Variants in ABCA5 observed in about 807,000 individuals in gnomAD.
ABCA5 encodes ATP binding cassette subfamily A member 5, also known as cholesterol transporter ABCA5.
A neutral mutation model predicts 206.0 loss-of-function variants in ABCA5; 163 were observed. The observed-to-expected ratio is 0.79, with a 90% confidence interval of 0.70 to 0.90. The LOEUF (loss-of-function observed/expected upper bound fraction) is 0.90, where lower values mean the gene tolerates loss of function less well. Ranked by LOEUF, ABCA5 falls within the 40% of genes least tolerant of loss-of-function variation. ABCA5 has a pLI of 0.00. For synonymous variants in ABCA5, 609 were observed against 613.8 expected, an observed-to-expected ratio of 0.99 and a Z score of 0.11; for missense variants, 1,859 against 1,912.9, an observed-to-expected ratio of 0.97 and a Z score of 0.53.
chr17:69,260,301 G>C (rs1350888705), intron 27 of ABCA5, 37 bp downstream of exon 27: 1 of 1,442,272 alleles, frequency 6.9e-7, no homozygotes, highest in Non-Finnish European at 9.6e-7. Context: ...CCATTCTTAA[G>C]GTACATGCTA....
chr17:69,287,806 A>C, intron 14 of ABCA5, 55 bp from the exon 15 acceptor site: 1 of 1,556,498 alleles, frequency 6.4e-7, no homozygotes, highest in Non-Finnish European at 8.7e-7. Context: ...CTAAATATTA[A>C]ACAGGCATGT....
At chr17:69,256,744 C>T (rs2075087650) in intron 28 of ABCA5, among the ~76,000 whole-genome samples, 2 of 152,258 alleles carry the variant, frequency 1.3e-5, no homozygotes, top group Admixed American at 6.5e-5. Context: ...GTTCAAGCCA[C>T]CATGCCCAGC....
At chr17:69,318,647 A>G in intron 1 of ABCA5, 1 of 354,844 alleles carries the variant, frequency 2.8e-6, no homozygotes, top group Admixed American at 4.6e-5. Flanking sequence ...CAGCAAAACA[A>G]AAGCAGTCAA....
intron 13 of ABCA5, 40 bp downstream of exon 13, chr17:69,289,822 A>T: frequency 6.8e-7 from 1 of 1,463,278 alleles, no homozygotes; most frequent in Non-Finnish European, 9.3e-7. Flanking sequence ...GTTATTGATT[A>T]CAGGAAATAA....
Position 69,270,651 on chromosome 17 carries a change from T to C in ABCA5, c.2992A>G (p.Thr998Ala), listed in dbSNP as rs1450756371. The C allele has an allele frequency of 6.2e-7, 1 of 1,602,452 alleles. No individual in the cohort carries two copies. The highest frequency in any genetic ancestry group is 1.7e-5 in the Admixed American group (1 of 57,782). The change falls in exon 22 of 39, where the codon ACT becomes GCT. Residue 998 changes from threonine (T) to alanine (A), a missense_variant. By Grantham distance (58) the Thr-to-Ala change is moderately conservative (BLOSUM62 0). Transcript: ENST00000392676. ...GTACTCCAGATCTGGATGGTTTCAG[T>C]CACATTTAAATGATAAAGATAGTAG... ...SNYYLYHLNV[T>A]ETIQIWSTPF...
chr17:69,307,557 C>T (rs1402254280), intron 5 of ABCA5, among the ~76,000 whole-genome samples: 2 of 152,032 alleles, frequency 1.3e-5, no homozygotes, highest in Non-Finnish European at 2.9e-5. Context: ...GATACAACAT[C>T]ATCAATGTAA....
At chr17:69,302,348 T>G (rs2075660980) in intron 8 of ABCA5, among the ~76,000 whole-genome samples, 1 of 152,112 alleles carries the variant, frequency 6.6e-6, no homozygotes, top group African/African-American at 2.4e-5. Flanking sequence ...CCACACACAA[T>G]TTTCTCCCAT....
chr17:69,280,178 A>C (rs1463036386), intron 18 of ABCA5, among the ~76,000 whole-genome samples: 1 of 152,052 alleles, frequency 6.6e-6, no homozygotes, highest in East Asian at 1.9e-4. Flanking sequence ...AACTCAAACA[A>C]ATTTACAAGA....
At position 69,251,865 on chromosome 17, in the gene ABCA5, G is replaced by A. The variant is rs143193092; in HGVS notation, c.4417C>T (p.Arg1473Ter). The A allele has an allele frequency of 4.5e-5, 73 of 1,612,010 alleles. No individual in the cohort carries two copies. Among genetic ancestry groups the A allele is most frequent in the South Asian group, 1.8e-4 (16 of 90,472 alleles). ...TTTTTAAATGCAGTTCGAATTGCTC[G>A]CCTATAAAACATAAATAAAACAAAA... ...MDPKAKQHMW[R>*]AIRTAFKNRK... is the part of the protein sequence containing the mutation. Residue 1473 changes from arginine (R) to a stop codon, truncating the protein, a stop_gained and splice_region_variant, in exon 35 of 39, where the codon CGA (arginine) becomes TGA (stop). Transcript: ENST00000392676. LOFTEE classifies it high-confidence loss of function.
At chr17:69,312,506 T>C (rs188233243) in intron 3 of ABCA5, among the ~76,000 whole-genome samples, 148 of 152,326 alleles carry the variant, frequency 9.7e-4, no homozygotes, top group Non-Finnish European at 1.7e-3. Flanking sequence ...TACACTTCTA[T>C]AAACAAGCAT....
chr17:69,247,438 G>A lies in ABCA5; in HGVS notation c.*99C>T, dbSNP rs1281346561. 5.4e-6 allele frequency: 4 copies of A among 735,384 alleles called. No homozygotes were observed. The highest frequency in any genetic ancestry group is 9.0e-6 in the Non-Finnish European group (4 of 442,244). The allele number at this position is 735,384 out of a possible 1,614,324, so 45.6% of individuals were successfully genotyped here. A position where few individuals can be genotyped will look rare whatever the true frequency, so the allele number is the denominator to read the frequency against. ...TTAGAAAAATTTCAAGTGCGTTCTT[G>A]GTTCTCCAGTTACCATTCCAATAAA... On this transcript the variant is annotated 3_prime_UTR_variant, in exon 39 of 39. Coordinates refer to ENST00000392676, the MANE Select transcript of ABCA5 (RefSeq NM_172232.4).
chr17:69,307,316 T>C (rs1270009185), intron 5 of ABCA5, among the ~76,000 whole-genome samples: 1 of 152,098 alleles, frequency 6.6e-6, no homozygotes, highest in Non-Finnish European at 1.5e-5. Context: ...GAGTGATTAT[T>C]AGTGCCATCA....
At chr17:69,280,778 G>A (rs1455957130) in intron 18 of ABCA5, among the ~76,000 whole-genome samples, 1 of 151,678 alleles carries the variant, frequency 6.6e-6, no homozygotes, top group Admixed American at 6.6e-5. Context: ...GTAAACTATT[G>A]CAAGAACAAA....
chr17:69,319,554 G>A (rs1042885761), intron 1 of ABCA5, among the ~76,000 whole-genome samples: 2 of 152,078 alleles, frequency 1.3e-5, no homozygotes, highest in Non-Finnish European at 2.9e-5. Context: ...CTTGAGCTGT[G>A]TCAGTTAAAA....
Position 69,289,246 on chromosome 17 carries a change from T to G in ABCA5, c.1833A>C (p.Gln611His), listed in dbSNP as rs770739743. 1.2e-6 allele frequency: 2 copies of G among 1,608,382 alleles called. No homozygotes were observed. Among genetic ancestry groups the G allele is most frequent in the South Asian group, 2.2e-5 (2 of 89,932 alleles). The part of the protein sequence containing the change: ...DLDMQTIKDN[Q>H]AKKLSGGQKR... The stretch of plus-strand genomic sequence containing the variant: ...TTTGACCACCACTTAATTTTTTAGC[T>G]TGGTTATCTTTGATAGTCTGCATGT... Residue 611 changes from glutamine (Q) to histidine (H), a missense_variant, in exon 14 of 39, where the codon CAA becomes CAC. Gln to His is a conservative substitution (Grantham distance 24). Coordinates refer to ENST00000392676, the MANE Select transcript of ABCA5 (RefSeq NM_172232.4).
rs1234459666 is a variant in ABCA5, at chr17:69,270,599, A to C, written c.3030+14T>G. On this transcript the variant is annotated intron_variant, in intron 22 of 38. Coordinates refer to ENST00000392676, the MANE Select transcript of ABCA5 (RefSeq NM_172232.4). The stretch of plus-strand genomic sequence containing the variant: ...CATGCATATGGAAATTTATCTGTAT[A>C]TACATTGGCTTACTTGAAAGAATGG... 1 of 1,578,266 alleles carries C rather than the reference A, an allele frequency of 6.3e-7. No individual in the cohort carries two copies. Among genetic ancestry groups the C allele is most frequent in the South Asian group, 1.2e-5 (1 of 83,666 alleles).
chr17:69,288,591 A>T (rs975418744), intron 14 of ABCA5, among the ~76,000 whole-genome samples: 1 of 151,978 alleles, frequency 6.6e-6, no homozygotes, highest in African/African-American at 2.4e-5. Flanking sequence ...CATGGAGGCC[A>T]GGCGTGGTGG....
intron 1 of ABCA5, among the ~76,000 whole-genome samples, chr17:69,316,528 T>C (rs1244200579): frequency 8.2e-6 from 1 of 122,422 alleles, no homozygotes; most frequent in African/African-American, 3.1e-5. Flanking sequence ...TATAGGACAA[T>C]AACAAAAAGT....
intron 28 of ABCA5, among the ~76,000 whole-genome samples, chr17:69,257,353 C>CAAA: frequency 1.8e-5 from 1 of 54,926 alleles, no homozygotes; most frequent in African/African-American, 6.6e-5. Context: ...GATTCCATCT[C>CAAA]AAAAAAAAAA....
Sources: allele counts gnomAD v4.1 joint callset (sites outside exome capture counted in the v4.1 genomes callset), GRCh38; gene constraint gnomAD v4.1.1; transcripts MANE v1.5; gene names NCBI Gene and HGNC (gene_info 2026-07-23, HGNC 2026-07-21).